The following ADAMTS9 variants were observed in gnomAD, a reference collection of about 807,000 sequenced individuals.
ADAMTS9 encodes A disintegrin and metalloproteinase with thrombospondin motifs 9.
In ADAMTS9, 107 loss-of-function variants were observed where a neutral mutation model predicts 257.1. The observed-to-expected ratio is 0.42, with a 90% CI of 0.36 to 0.49. ADAMTS9 has a LOEUF of 0.49. ADAMTS9 is among the 20% of genes least tolerant of loss of function. The probability of loss-of-function intolerance (pLI) is 0.03; values close to 1 mark genes in which losing one functional copy is unlikely to be tolerated. For missense variants in ADAMTS9, 2,353 were observed against 2,469.1 expected (o/e 0.95, Z 1.00); for synonymous variants, 982 against 880.9 (o/e 1.11, Z -2.03).
intron 22 of ADAMTS9, 109 bp from the exon 23 acceptor site, chr3:64,607,188 A>G: frequency 6.9e-7 from 1 of 1,449,666 alleles, no homozygotes; most frequent in South Asian, 1.3e-5. Flanking sequence ...AGTAGGCCAG[A>G]GGGCTGGCGC....
At chr3:64,609,919 G>A (rs1451775822) in intron 22 of ADAMTS9, among the ~76,000 whole-genome samples, 2 of 152,118 alleles carry the variant, frequency 1.3e-5, no homozygotes, top group East Asian at 3.9e-4. Flanking sequence ...AAGAATAGAT[G>A]TATAGACTAC....
intron 3 of ADAMTS9, among the ~76,000 whole-genome samples, chr3:64,665,277 C>T (rs1457764326): frequency 3.9e-5 from 6 of 152,144 alleles, no homozygotes; most frequent in Admixed American, 2.0e-4. Flanking sequence ...GAAGTAGTCA[C>T]GCTTACACTG....
At chr3:64,642,783 C>T (rs553364883) in intron 11 of ADAMTS9, among the ~76,000 whole-genome samples, 3 of 152,222 alleles carry the variant, frequency 2.0e-5, no homozygotes, top group South Asian at 2.1e-4. Flanking sequence ...TGACGCCCCG[C>T]GGCTCGCTCA....
In ADAMTS9 at chr3:64,541,168, C is replaced by T. The variant is rs1330961813; in HGVS notation, c.5448G>A (p.Arg1816=). The T allele has an allele frequency of 1.2e-6, 2 of 1,614,078 alleles. No individual in the cohort carries two copies. Among genetic ancestry groups the T allele is most frequent in the Admixed American group, 3.3e-5 (2 of 60,008 alleles). The change falls in exon 36 of 40, where the codon CGG becomes CGA. Residue 1816 remains arginine (R), a synonymous_variant. Coordinates refer to ENST00000498707, the MANE Select transcript of ADAMTS9 (RefSeq NM_182920.2). ...AAAACCCAGCGGCCGTGTAATCCTT[C>T]CGACATTGGCAGTCATCGCGCCGGC... The part of the protein sequence containing the change: ...NGSRRDDCQC[R]KDYTAAGFSS...
chr3:64,556,386 T>C (rs2083333551), intron 30 of ADAMTS9, among the ~76,000 whole-genome samples: 2 of 152,222 alleles, frequency 1.3e-5, no homozygotes. Context: ...AGTGGCCTGA[T>C]GATAGCTCAC....
intron 19 of ADAMTS9, among the ~76,000 whole-genome samples, chr3:64,616,628 G>C (rs1274527734): frequency 6.6e-6 from 1 of 152,140 alleles, no homozygotes; most frequent in African/African-American, 2.4e-5. Context: ...CCTGTAATGA[G>C]ATTATGGGGG....
chr3:64,554,424 CT>C (rs2083305919), intron 30 of ADAMTS9, among the ~76,000 whole-genome samples: 1 of 152,202 alleles, frequency 6.6e-6, no homozygotes, highest in African/African-American at 2.4e-5. Flanking sequence ...TAAATCCTAA[CT>C]AGGGTATGGG....
chr3:64,654,222 C>T (rs1488094280), intron 8 of ADAMTS9, 131 bp downstream of exon 8: 1 of 928,398 alleles, frequency 1.1e-6, no homozygotes, highest in Admixed American at 2.4e-5. Context: ...CAAAGCTCTT[C>T]AACCCTGCAA....
At chr3:64,576,882 G>C (rs1365697541) in intron 28 of ADAMTS9, among the ~76,000 whole-genome samples, 3 of 152,142 alleles carry the variant, frequency 2.0e-5, no homozygotes, top group Non-Finnish European at 2.9e-5. Context: ...TAGTAAGGGA[G>C]ATGGCAGGGC....
intron 19 of ADAMTS9, among the ~76,000 whole-genome samples, chr3:64,619,148 C>CTAGG (rs1559794907): frequency 2.6e-5 from 4 of 152,016 alleles, no homozygotes; most frequent in Admixed American, 6.6e-5. Context: ...ATAAATCCAC[C>CTAGG]ATCTGTGCGA....
intron 3 of ADAMTS9, among the ~76,000 whole-genome samples, chr3:64,659,228 G>A (rs1415727368): frequency 6.6e-6 from 1 of 152,288 alleles, no homozygotes; most frequent in South Asian, 2.1e-4. Context: ...AGCACTTTGG[G>A]AGGCCGAGGC....
At chr3:64,610,337 A>G (rs1215044845) in intron 22 of ADAMTS9, among the ~76,000 whole-genome samples, 1 of 152,200 alleles carries the variant, frequency 6.6e-6, no homozygotes, top group East Asian at 1.9e-4. Flanking sequence ...TGGGGGAAAT[A>G]TTTGCCAATC....
chr3:64,533,036 T>C, intron 38 of ADAMTS9, 130 bp downstream of exon 38: 1 of 755,008 alleles, frequency 1.3e-6, no homozygotes, highest in Non-Finnish European at 2.2e-6. Flanking sequence ...ATGGTCTTCC[T>C]GACACTACAA....
Position 64,633,415 on chromosome 3 carries a change from C to T in ADAMTS9, c.2175+57G>A. On this transcript the variant is annotated intron_variant, in intron 14 of 39. Coordinates refer to ENST00000498707, the MANE Select transcript of ADAMTS9 (RefSeq NM_182920.2). ...AGTTGCTATTCTATCTAGGAAGCCACAAATCACAGGTTGGCAGCGGGAAAA... is the reference window on the plus strand; with the variant it reads ...AGTTGCTATTCTATCTAGGAAGCCATAAATCACAGGTTGGCAGCGGGAAAA... The T allele has an allele frequency of 2.5e-6, 4 of 1,602,978 alleles. No homozygotes were observed. In the South Asian group the frequency reaches 3.4e-5, roughly 13 times the overall value.
chr3:64,553,900 GT>G (rs894041086), intron 30 of ADAMTS9, among the ~76,000 whole-genome samples: 2 of 151,846 alleles, frequency 1.3e-5, no homozygotes, highest in Admixed American at 6.6e-5. Context: ...GAAAAAAAGT[GT>G]TTTTTTCATC....
chr3:64,579,673 A>G (rs192308030), intron 28 of ADAMTS9, among the ~76,000 whole-genome samples: 230 of 152,320 alleles, frequency 1.5e-3, no homozygotes, highest in African/African-American at 5.4e-3. Flanking sequence ...AATGCATGAA[A>G]CAAGTGAATA....
At chr3:64,612,532 G>C (rs2084685054) in intron 22 of ADAMTS9, among the ~76,000 whole-genome samples, 1 of 152,178 alleles carries the variant, frequency 6.6e-6, no homozygotes, top group Non-Finnish European at 1.5e-5. Context: ...GCTTCCACTT[G>C]TTGCATGCAT....
At chr3:64,622,358 T>G (rs1388742453) in intron 17 of ADAMTS9, 31 bp from the exon 18 acceptor site, 1 of 1,611,908 alleles carries the variant, frequency 6.2e-7, no homozygotes. Context: ...AGAAACGAAC[T>G]GGGTGGGCTT....
At chr3:64,523,894 C>G (rs1040593359) in intron 38 of ADAMTS9, among the ~76,000 whole-genome samples, 1 of 152,166 alleles carries the variant, frequency 6.6e-6, no homozygotes, top group Non-Finnish European at 1.5e-5. Context: ...TGCTCTCAAT[C>G]ACTGTAATTC....
Sources: allele counts gnomAD v4.1 joint callset (sites outside exome capture counted in the v4.1 genomes callset), GRCh38; gene constraint gnomAD v4.1.1; transcripts MANE v1.5; gene names NCBI Gene and HGNC (gene_info 2026-07-23, HGNC 2026-07-21).